KIF15: variants seen among roughly 807,000 people sequenced by gnomAD.
KIF15 encodes kinesin-like protein KIF15.
KIF15 carries 140 observed loss-of-function variants against 190.6 expected under a neutral mutation model. The ratio of observed to expected loss-of-function variants is 0.73; its 90% confidence interval spans 0.64 to 0.84. The LOEUF (loss-of-function observed/expected upper bound fraction) is 0.84, where lower values mean the gene tolerates loss of function less well. Among genes scored for constraint, KIF15 ranks in the 40% least tolerant of loss-of-function variants. The pLI is 0.00. For missense variants in KIF15, 1,372 were observed against 1,584.4 expected (o/e 0.87, Z 2.28); for synonymous variants, 528 against 551.3 (o/e 0.96, Z 0.59).
At position 44,832,372 on chromosome 3, in the gene KIF15, G is replaced by T. The variant is rs138392074; in HGVS notation, c.3171+1354G>T. Among the ~76,000 whole-genome samples the T allele has an allele frequency of 7.2e-5, 11 of 152,298 alleles. No individual in the cohort carries two copies. In the East Asian group the frequency reaches 2.1e-3, roughly 29 times the overall value. On this transcript the variant is annotated intron_variant, in intron 26 of 34. Coordinates refer to ENST00000326047, the MANE Select transcript of KIF15 (RefSeq NM_020242.3). ...TTGAACCCAGGCAGAAGGTCATGAA[G>T]TCAGAGCTAAGAAATGCTAGTGGGG...
In KIF15 at chr3:44,830,142, T is replaced by A. The variant is rs981564003; in HGVS notation, c.3048+67T>A. The A allele has an allele frequency of 1.8e-5, 13 of 708,718 alleles. No homozygotes were observed. In the East Asian group the frequency reaches 4.1e-4, roughly 22 times the overall value. The allele number at this position is 708,718 out of a possible 1,614,324, so 43.9% of individuals were successfully genotyped here. ...ACACTTCACAGACTTTTCAAGAGTT[T>A]AACAGATGCTCCACCAGAAAAAAGA... On this transcript the variant is annotated intron_variant, in intron 25 of 34. Transcript: ENST00000326047.
rs534287758 is a variant in KIF15, at chr3:44,843,628, G to T, written c.3695+394G>T. ...TGGTCCAGGGAAAGCCCCTGGGCAG[G>T]ACAAGAAGGATATCCTTAGCATTTT... On this transcript the variant is annotated intron_variant, in intron 30 of 34. Transcript: ENST00000326047. 1.7e-4 allele frequency among the ~76,000 whole-genome samples: 26 copies of T among 152,316 alleles called. 1 individual carries two copies. The South Asian group carries it at 5.4e-3, about 32-fold the overall frequency.
In KIF15 at chr3:44,852,777, G is replaced by A. The variant is rs764873660; in HGVS notation, c.*42G>A. The A allele has an allele frequency of 1.8e-5, 27 of 1,512,240 alleles. No individual in the cohort carries two copies. Among genetic ancestry groups the A allele is most frequent in the Middle Eastern group, 3.4e-4 (2 of 5,808 alleles). The allele number at this position is 1,512,240 out of a possible 1,614,324, so 93.7% of individuals were successfully genotyped here. Reference sequence around the variant, plus strand: ...CCTAGGCATCACCTTGTTTGAAGATGTTTCTTCTCTTTTACAAGTAAGACC... The same window carrying A: ...CCTAGGCATCACCTTGTTTGAAGATATTTCTTCTCTTTTACAAGTAAGACC... On this transcript the variant is annotated 3_prime_UTR_variant, in exon 35 of 35. Transcript: ENST00000326047.
intron 6 of KIF15, 57 bp downstream of exon 6, chr3:44,784,999 C>A: frequency 4.6e-6 from 4 of 872,356 alleles, no homozygotes; most frequent in Non-Finnish European, 7.3e-6. Flanking sequence ...GAATAGGTAG[C>A]TACTGATAAT....
chr3:44,834,889 C>G (rs1475802573), intron 26 of KIF15, among the ~76,000 whole-genome samples: 1 of 151,498 alleles, frequency 6.6e-6, no homozygotes, highest in South Asian at 2.1e-4. Context: ...GCCAAGATCG[C>G]GCCACTGCAC....
At chr3:44,823,161 T>C (rs1470001857) in intron 20 of KIF15, among the ~76,000 whole-genome samples, 1 of 152,212 alleles carries the variant, frequency 6.6e-6, no homozygotes, top group Non-Finnish European at 1.5e-5. Context: ...CCTTTGGTCT[T>C]TGATATTGGT....
chr3:44,861,835 G>A, intron 6 of KIF15: 1 of 1,362,056 alleles, frequency 7.3e-7, no homozygotes, highest in Non-Finnish European at 9.9e-7. Flanking sequence ...GGCGTCACAG[G>A]AGCGTCGCGT....
intron 20 of KIF15, among the ~76,000 whole-genome samples, chr3:44,819,925 G>A (rs1164540287): frequency 6.6e-6 from 1 of 152,174 alleles, no homozygotes; most frequent in East Asian, 1.9e-4. Context: ...GAATCTGGGT[G>A]CTCCTGTATT....
intron 20 of KIF15, among the ~76,000 whole-genome samples, chr3:44,821,045 C>A (rs1708257979): frequency 1.4e-5 from 2 of 147,292 alleles, no homozygotes; most frequent in East Asian, 4.1e-4. Flanking sequence ...CCCCCCACCT[C>A]CCTCCCGGAT....
intron 24 of KIF15, among the ~76,000 whole-genome samples, chr3:44,829,550 G>GTA (rs201045064): frequency 1.8e-3 from 57 of 31,916 alleles, no homozygotes; most frequent in South Asian, 3.8e-3. Flanking sequence ...TATTATATAT[G>GTA]TATATATTAT....
chr3:44,864,978 GGA>G, intron 6 of KIF15: 1 of 1,602,780 alleles, frequency 6.2e-7, no homozygotes, highest in South Asian at 1.1e-5. Flanking sequence ...GTCAGTCCCA[GGA>G]GAGTGAGGTT....
At chr3:44,809,950 C>T (rs899132888) in intron 16 of KIF15, among the ~76,000 whole-genome samples, 1 of 152,042 alleles carries the variant, frequency 6.6e-6, no homozygotes, top group African/African-American at 2.4e-5. Context: ...GCCTGTAGTC[C>T]CAGCTACTTG....
chr3:44,780,551 C>T (rs2125910998), intron 4 of KIF15, among the ~76,000 whole-genome samples: 1 of 152,162 alleles, frequency 6.6e-6, no homozygotes, highest in South Asian at 2.1e-4. Flanking sequence ...CTATTGCTGA[C>T]CTAGGAAGAT....
chr3:44,797,416 T>A, intron 8 of KIF15, 135 bp from the exon 9 acceptor site: 1 of 785,968 alleles, frequency 1.3e-6, no homozygotes, highest in Non-Finnish European at 2.1e-6. Context: ...ATTTGTTGAA[T>A]AGTTGTTCTT....
intron 9 of KIF15, 44 bp downstream of exon 9, chr3:44,797,720 A>G (rs774697709): frequency 1.9e-6 from 3 of 1,608,556 alleles, no homozygotes; most frequent in African/African-American, 1.3e-5. Flanking sequence ...TGGTTATGCT[A>G]AAGTTGATAG....
chr3:44,838,547 A>G (rs1186121116), intron 27 of KIF15, 126 bp downstream of exon 27: 6 of 897,372 alleles, frequency 6.7e-6, no homozygotes, highest in Admixed American at 3.4e-5. Context: ...GTTCAAGAGC[A>G]GTCTGGCCAA....
intron 7 of KIF15, among the ~76,000 whole-genome samples, chr3:44,791,874 C>T (rs777048027): frequency 4.6e-5 from 7 of 152,076 alleles, no homozygotes; most frequent in African/African-American, 1.2e-4. Flanking sequence ...TCTGCCACCA[C>T]GCCCAGCTAA....
chr3:44,856,660 C>G (rs780319545), downstream of KIF15, among the ~76,000 whole-genome samples: 3 of 152,270 alleles, frequency 2.0e-5, no homozygotes, highest in South Asian at 6.2e-4. Flanking sequence ...CTTTAGCTAC[C>G]TTATCAGCAT....
chr3:44,829,452 CATATATA>C lies in KIF15; in HGVS notation c.2944-511_2944-505del, dbSNP rs1476899438. On this transcript the variant is annotated intron_variant, in intron 24 of 34. Coordinates refer to ENST00000326047, the MANE Select transcript of KIF15 (RefSeq NM_020242.3). ...AATATATATGTATATATTATATACG[CATATATA>C]ATATATATGTATATAATATGTGTAT... is the stretch of plus-strand genomic sequence containing the variant. Among the ~76,000 whole-genome samples the C allele has an allele frequency of 3.1e-5, 4 of 128,006 alleles. No homozygotes were observed. The South Asian group carries it at 6.8e-4, about 22-fold the overall frequency. 84.0% of individuals were successfully genotyped at this position (128,006 alleles called of 152,430 possible). A position where few individuals can be genotyped will look rare whatever the true frequency, so the allele number is the denominator to read the frequency against.
Sources: gnomAD v4.1 joint callset for allele counts (sites outside exome capture counted in the v4.1 genomes callset) on GRCh38, gnomAD v4.1.1 for gene constraint, MANE v1.5 for transcripts, NCBI Gene and HGNC (gene_info 2026-07-23, HGNC 2026-07-21) for gene names.